Variants in WRN observed in about 807,000 individuals in gnomAD.
WRN encodes WRN RecQ like helicase.
WRN carries 149 observed loss-of-function variants against 180.7 expected under a neutral mutation model. The observed-to-expected ratio is 0.82, with a 90% CI of 0.72 to 0.94. The LOEUF is 0.94. Among genes scored for constraint, WRN ranks in the 40% least tolerant of loss-of-function variants. WRN has a pLI of 0.00. For synonymous variants in WRN, 548 were observed against 568.9 expected, an observed-to-expected ratio of 0.96 and a Z score of 0.52; for missense variants, 1,661 against 1,700.1, an observed-to-expected ratio of 0.98 and a Z score of 0.40.
At chr8:31,088,037 T>G in intron 12 of WRN, 117 bp downstream of exon 12, 1 of 1,522,132 alleles carries the variant, frequency 6.6e-7, no homozygotes, top group Non-Finnish European at 8.8e-7. Flanking sequence ...TAGTTAATTA[T>G]TGGATCCTTA....
intron 30 of WRN, among the ~76,000 whole-genome samples, chr8:31,149,404 A>AT (rs1270331062): frequency 1.3e-5 from 2 of 149,402 alleles, no homozygotes; most frequent in Non-Finnish European, 3.0e-5. Context: ...CTAAAAAAAA[A>AT]ATAAAAAATA....
intron 27 of WRN, among the ~76,000 whole-genome samples, 161 bp downstream of exon 27, chr8:31,142,862 T>A (rs1802700556): frequency 1.3e-5 from 2 of 152,144 alleles, no homozygotes; most frequent in East Asian, 1.9e-4. Flanking sequence ...CTAAAATTTA[T>A]TGTATATAAT....
At chr8:31,066,657 G>A (rs1370824609) in intron 5 of WRN, among the ~76,000 whole-genome samples, 2 of 151,756 alleles carry the variant, frequency 1.3e-5, no homozygotes, top group Admixed American at 6.6e-5. Context: ...TGCTCTTAGT[G>A]GAAGTTTGGC....
At chr8:31,108,924 T>C (rs975395352) in intron 18 of WRN, among the ~76,000 whole-genome samples, 6 of 152,204 alleles carry the variant, frequency 3.9e-5, no homozygotes, top group African/African-American at 1.4e-4. Flanking sequence ...TTTTGTGAAT[T>C]AACTCAGGCT....
intron 8 of WRN, 74 bp downstream of exon 8, chr8:31,076,361 A>G: frequency 5.5e-6 from 7 of 1,269,340 alleles, no homozygotes; most frequent in Non-Finnish European, 7.9e-6. Flanking sequence ...CCTATATGTG[A>G]AGAATACTAT....
intron 18 of WRN, among the ~76,000 whole-genome samples, chr8:31,109,049 T>G (rs1470368586): frequency 6.6e-6 from 1 of 152,164 alleles, no homozygotes; most frequent in Admixed American, 6.5e-5. Flanking sequence ...AAATTAATAG[T>G]CAGCATCCCA....
intron 20 of WRN, among the ~76,000 whole-genome samples, chr8:31,117,185 C>T (rs1016451626): frequency 3.3e-5 from 5 of 152,044 alleles, no homozygotes; most frequent in African/African-American, 1.2e-4. Context: ...ATAGGTAAAA[C>T]GGATTAAAGT....
intron 23 of WRN, among the ~76,000 whole-genome samples, chr8:31,130,139 A>G (rs1218139624): frequency 6.6e-6 from 1 of 151,200 alleles, no homozygotes; most frequent in Non-Finnish European, 1.5e-5. Context: ...TCTGGGCAAC[A>G]TAACGAGACC....
intron 24 of WRN, among the ~76,000 whole-genome samples, chr8:31,138,837 T>G (rs959121760): frequency 6.6e-6 from 1 of 152,202 alleles, no homozygotes; most frequent in African/African-American, 2.4e-5. Context: ...TTAAGTCCAA[T>G]GTATAGGCAC....
Position 31,142,696 on chromosome 8 carries a change from A to C in WRN, c.3304A>C (p.Lys1102Gln). ...NQVPVELSTEKKSNLEKLYSY... is the reference protein window; with the variant it reads ...NQVPVELSTEQKSNLEKLYSY... ...AGTACCAGTTGAATTAAGTACAGAG[A>C]AGAAGGTTTGTTTTAAAGAAATTGT... The change falls in exon 27 of 35, where the codon AAG becomes CAG. Residue 1102 changes from lysine (K) to glutamine (Q), a missense_variant. Lys to Gln is a moderately conservative substitution (Grantham distance 53). This residue lies in a region of WRN where 1,141 missense variants were observed against 1,149.4 expected (regional missense o/e 0.99). Transcript: ENST00000298139. The C allele has an allele frequency of 6.2e-7, 1 of 1,602,024 alleles. No homozygotes were observed. The highest frequency in any genetic ancestry group is 8.5e-7 in the Non-Finnish European group (1 of 1,173,774).
chr8:31,164,030 T>C (rs376813274), intron 33 of WRN, among the ~76,000 whole-genome samples: 115 of 152,120 alleles, frequency 7.6e-4, no homozygotes, highest in African/African-American at 2.7e-3. Context: ...TAGAGATGAG[T>C]TCTCACTACA....
chr8:31,162,381 C>T (rs1273694157), intron 33 of WRN, among the ~76,000 whole-genome samples: 1 of 152,182 alleles, frequency 6.6e-6, no homozygotes, highest in Non-Finnish European at 1.5e-5. Context: ...GTCTCACTAT[C>T]TTCCACCTCC....
At chr8:31,049,667 T>C (rs1812013026) in intron 1 of WRN, among the ~76,000 whole-genome samples, 1 of 152,184 alleles carries the variant, frequency 6.6e-6, no homozygotes, top group Non-Finnish European at 1.5e-5. Flanking sequence ...AGTACTTCAG[T>C]GCTTAATTAG....
intron 18 of WRN, among the ~76,000 whole-genome samples, chr8:31,105,464 AT>A (rs11285400): frequency 1 from 151,924 of 151,960 alleles, 75,944 homozygotes; most frequent in Middle Eastern, 1. Context: ...ATGTTATTTT[AT>A]TTTTTTTATT....
rs1812359945 is a variant in WRN at position 31,058,486 on chromosome 8, G to A, written c.39G>A (p.Arg13=). 2 of 1,613,814 alleles carry A rather than the reference G, an allele frequency of 1.2e-6. No homozygotes were observed. Among genetic ancestry groups the A allele is most frequent in the Non-Finnish European group, 1.7e-6 (2 of 1,179,846 alleles). ...EKKLETTAQQ[R]KCPEWMNVQN... is the part of the protein sequence containing the mutation. ...AATTGGAAACAACTGCACAGCAGCG[G>A]AAATGTCCTGAATGGATGAATGTGC... Residue 13 remains arginine (R), a synonymous_variant, in exon 2 of 35, where the codon CGG becomes CGA. Coordinates refer to ENST00000298139, the MANE Select transcript of WRN (RefSeq NM_000553.6).
chr8:31,056,849 A>C (rs575113679), intron 1 of WRN, among the ~76,000 whole-genome samples: 2 of 152,320 alleles, frequency 1.3e-5, no homozygotes, highest in East Asian at 3.9e-4. Flanking sequence ...TTTCTTGCTA[A>C]CATTTTCTAG....
intron 18 of WRN, among the ~76,000 whole-genome samples, chr8:31,110,102 G>T (rs1468936458): frequency 1.3e-5 from 1 of 77,352 alleles, no homozygotes; most frequent in African/African-American, 4.9e-5. Flanking sequence ...ACACTTAACC[G>T]GTGAAAGTGC....
rs568853746 is a variant in WRN at position 31,071,518 on chromosome 8, G to C, written c.724+3191G>C. Among the ~76,000 whole-genome samples, 7 of 152,240 alleles carry C rather than the reference G, an allele frequency of 4.6e-5. 1 individual carries two copies. In the South Asian group the frequency reaches 1.5e-3, roughly 32 times the overall value. On this transcript the variant is annotated intron_variant, in intron 7 of 34. Transcript: ENST00000298139. ...TTCTTCTTTTTTTGAGTCTCACTCT[G>C]TCACCCAGGCTGGAGTGCAGTGATG...
At chr8:31,042,708 T>G (rs1309358602) in intron 1 of WRN, among the ~76,000 whole-genome samples, 1 of 152,198 alleles carries the variant, frequency 6.6e-6, no homozygotes, top group Non-Finnish European at 1.5e-5. Flanking sequence ...TGTGAATAAT[T>G]TATTGGTGAG....
Sources: allele counts gnomAD v4.1 joint callset (sites outside exome capture counted in the v4.1 genomes callset), GRCh38; gene constraint gnomAD v4.1.1; regional missense constraint gnomAD v4.1.1; transcripts MANE v1.5; gene names NCBI Gene and HGNC (gene_info 2026-07-23, HGNC 2026-07-21).